SYN2: variants seen among roughly 807,000 people sequenced by gnomAD.
SYN2 encodes synapsin-2.
A neutral mutation model predicts 50.9 loss-of-function variants in SYN2; 19 were observed. The observed-to-expected ratio is 0.37, with a 90% confidence interval of 0.26 to 0.55. The LOEUF is 0.55. SYN2 is among the 20% of genes least tolerant of loss of function. The pLI is 0.81. For synonymous variants in SYN2, 255 were observed against 224.9 expected (o/e 1.13, Z -1.20); for missense variants, 587 against 576.4 (o/e 1.02, Z -0.19).
intron 1 of SYN2, among the ~76,000 whole-genome samples, chr3:12,117,322 T>G (rs1259200319): frequency 6.6e-6 from 1 of 152,246 alleles, no homozygotes; most frequent in Non-Finnish European, 1.5e-5. Context: ...TCCAGTGATC[T>G]CTACTGAATC....
intron 4 of SYN2, among the ~76,000 whole-genome samples, chr3:12,150,054 T>C (rs1489923024): frequency 6.6e-6 from 1 of 152,196 alleles, no homozygotes; most frequent in Admixed American, 6.5e-5. Flanking sequence ...GTTCCGAGCT[T>C]TTACTGCCCC....
intron 1 of SYN2, among the ~76,000 whole-genome samples, chr3:12,023,663 TGTA>T (rs1694194611): frequency 6.6e-6 from 1 of 152,322 alleles, no homozygotes; most frequent in Non-Finnish European, 1.5e-5. Context: ...TTCTTTATCT[TGTA>T]GTCAGTAGAA....
intron 5 of SYN2, among the ~76,000 whole-genome samples, chr3:12,160,063 AAAAG>A (rs1697607776): frequency 6.7e-6 from 1 of 148,766 alleles, no homozygotes; most frequent in Admixed American, 6.6e-5. Flanking sequence ...AAAAAAAAAA[AAAAG>A]TAAAAGAAAA....
In SYN2 at chr3:12,021,362, G is replaced by T. The variant is rs2125135787; in HGVS notation, c.377+16434G>T. ...CTATCAACCATTTTTACCTCACTTT[G>T]CAGCACATGGTATTATCTTTTTTAG... On this transcript the variant is annotated intron_variant, in intron 1 of 12. Transcript: ENST00000621198. 3.3e-5 allele frequency among the ~76,000 whole-genome samples: 5 copies of T among 152,190 alleles called. No homozygotes were observed. The Middle Eastern group carries it at 0.017, about 518-fold the overall frequency.
Position 12,004,546 on chromosome 3 carries a change from A to G in SYN2, c.-6A>G, listed in dbSNP as rs1693741363. On this transcript the variant is annotated 5_prime_UTR_variant, in exon 1 of 13. Transcript: ENST00000621198. ...AGCCCCGCGCGCCCCCAGCCCTTTA[A>G]GCCAGATGATGAACTTCCTGCGGCG... 3.1e-6 allele frequency: 2 copies of G among 651,916 alleles called. No homozygotes were observed. The highest frequency in any genetic ancestry group is 5.7e-6 in the Non-Finnish European group (2 of 350,968). 40.4% of individuals were successfully genotyped at this position (651,916 alleles called of 1,614,324 possible).
At chr3:12,039,171 T>C (rs1359480635) in intron 1 of SYN2, among the ~76,000 whole-genome samples, 1 of 152,216 alleles carries the variant, frequency 6.6e-6, no homozygotes, top group African/African-American at 2.4e-5. Context: ...TTATTTAGTT[T>C]CTTTTTTTAT....
intron 5 of SYN2, chr3:12,154,285 T>C: frequency 6.2e-7 from 1 of 1,613,608 alleles, no homozygotes; most frequent in South Asian, 1.1e-5. Flanking sequence ...CTCAGAACCC[T>C]TCCCCCATCC....
At position 12,096,853 on chromosome 3, in the gene SYN2, C is replaced by G. The variant is rs989462944; in HGVS notation, c.378-43798C>G. Among the ~76,000 whole-genome samples, 7 of 152,082 alleles carry G rather than the reference C, an allele frequency of 4.6e-5. 1 individual carries two copies. The highest frequency in any genetic ancestry group is 4.6e-4 in the Admixed American group (7 of 15,282). ...AATAGATCAGTTGAGATTATACAATCTGGGGAACAGAAAGAAAAAAATGTA... is the reference window on the plus strand; with the variant it reads ...AATAGATCAGTTGAGATTATACAATGTGGGGAACAGAAAGAAAAAAATGTA... On this transcript the variant is annotated intron_variant, in intron 1 of 12. Transcript: ENST00000621198.
intron 1 of SYN2, among the ~76,000 whole-genome samples, chr3:12,102,527 T>C (rs1263657322): frequency 1.3e-5 from 2 of 152,122 alleles, no homozygotes; most frequent in Non-Finnish European, 2.9e-5. Context: ...TGGCAATAAA[T>C]CTCATTCTCT....
chr3:12,037,355 A>G (rs1236543215), intron 1 of SYN2, among the ~76,000 whole-genome samples: 3 of 152,230 alleles, frequency 2.0e-5, no homozygotes, highest in Non-Finnish European at 2.9e-5. Flanking sequence ...TGTTATAGCA[A>G]CAGCCCCACT....
chr3:12,093,203 T>C (rs1394346023), intron 1 of SYN2, among the ~76,000 whole-genome samples: 1 of 152,226 alleles, frequency 6.6e-6, no homozygotes, highest in African/African-American at 2.4e-5. Flanking sequence ...AAAAATCAAA[T>C]TGGTTTATTG....
intron 1 of SYN2, among the ~76,000 whole-genome samples, chr3:12,073,309 T>C (rs566993881): frequency 1.3e-5 from 2 of 152,250 alleles, no homozygotes; most frequent in Admixed American, 1.3e-4. Flanking sequence ...CCCAGCGAGG[T>C]ATAATAGTGG....
intron 11 of SYN2, chr3:12,184,422 G>A (rs927311239): frequency 2.0e-6 from 2 of 985,792 alleles, no homozygotes; most frequent in Non-Finnish European, 2.4e-6. Flanking sequence ...AATGCAGGGA[G>A]CTACTGAAGG....
chr3:12,088,140 G>A (rs1479011948), intron 1 of SYN2, among the ~76,000 whole-genome samples: 1 of 152,120 alleles, frequency 6.6e-6, no homozygotes, highest in Non-Finnish European at 1.5e-5. Flanking sequence ...CGGATTGGGA[G>A]AAAATATTTG....
In SYN2 at chr3:12,145,785, A is replaced by G. The variant is rs1346439717; in HGVS notation, c.634A>G (p.Ser212Gly). 1.2e-6 allele frequency: 2 copies of G among 1,613,918 alleles called. No homozygotes were observed. Among genetic ancestry groups the G allele is most frequent in the Admixed American group, 1.7e-5 (1 of 60,014 alleles). The change falls in exon 4 of 13, where the codon AGC (serine) becomes GGC (glycine). Residue 212 changes from serine to glycine, a missense_variant. Ser to Gly is a moderately conservative substitution (Grantham distance 56, BLOSUM62 0). Transcript: ENST00000621198. ...TGGTATGCAGTATGCAGGCCTCCCC[A>G]GCATCAACTCACTGGAATCCATATA... is the stretch of plus-strand genomic sequence containing the variant. ...IIGMQYAGLP[S>G]INSLESIYNF...
At chr3:12,108,693 C>T (rs1035690072) in intron 1 of SYN2, among the ~76,000 whole-genome samples, 5 of 152,150 alleles carry the variant, frequency 3.3e-5, no homozygotes, top group South Asian at 2.1e-4. Context: ...TCAGATTCCA[C>T]GGTGAACTAA....
chr3:12,038,766 C>A (rs1054243293), intron 1 of SYN2, among the ~76,000 whole-genome samples: 3 of 152,090 alleles, frequency 2.0e-5, no homozygotes, highest in Non-Finnish European at 2.9e-5. Flanking sequence ...GTGTATCCTG[C>A]AACCTTGCTG....
At chr3:12,110,650 T>C (rs1356889573) in intron 1 of SYN2, among the ~76,000 whole-genome samples, 1 of 152,228 alleles carries the variant, frequency 6.6e-6, no homozygotes, top group African/African-American at 2.4e-5. Flanking sequence ...TCTTGACTTC[T>C]GTGCACTTGT....
chr3:12,151,396 G>A, intron 5 of SYN2, 70 bp downstream of exon 5: 1 of 1,280,854 alleles, frequency 7.8e-7, no homozygotes, highest in Non-Finnish European at 1.1e-6. Flanking sequence ...TGGTTATTGT[G>A]GGGCTCTGAA....
Sources: gnomAD v4.1 joint callset for allele counts (sites outside exome capture counted in the v4.1 genomes callset) on GRCh38, gnomAD v4.1.1 for gene constraint, MANE v1.5 for transcripts, NCBI Gene and HGNC (gene_info 2026-07-23, HGNC 2026-07-21) for gene names.